Variants in GRHL1 observed in about 807,000 individuals in gnomAD.
GRHL1 encodes the protein grainyhead like transcription factor 1.
A neutral mutation model predicts 75.7 loss-of-function variants in GRHL1; 38 were observed. The ratio of observed to expected loss-of-function variants is 0.50; its 90% CI spans 0.39 to 0.66. GRHL1 has a LOEUF of 0.66. Among genes scored for constraint, GRHL1 ranks in the 30% least tolerant of loss-of-function variants. The pLI, the probability that GRHL1 is intolerant of heterozygous loss-of-function variation, is 0.00. For synonymous variants in GRHL1, 266 were observed against 279.4 expected (o/e 0.95, Z 0.48); for missense variants, 589 against 767.5 (o/e 0.77, Z 2.75).
At chr2:10,000,377 C>T (rs1468516490) in intron 15 of GRHL1, among the ~76,000 whole-genome samples, 1 of 152,170 alleles carries the variant, frequency 6.6e-6, no homozygotes, top group Non-Finnish European at 1.5e-5. Flanking sequence ...AAATATATCA[C>T]CTGATTTCCT....
chr2:9,996,031 A>C, intron 13 of GRHL1, 61 bp downstream of exon 13: 1 of 1,061,598 alleles, frequency 9.4e-7, no homozygotes, highest in Non-Finnish European at 1.5e-6. Flanking sequence ...AGAATCTATC[A>C]AAAGCATAAA....
chr2:9,971,803 G>C (rs529895708), intron 8 of GRHL1, among the ~76,000 whole-genome samples: 1 of 152,336 alleles, frequency 6.6e-6, no homozygotes, highest in East Asian at 1.9e-4. Context: ...AGCTGATACA[G>C]AATAAAGTCT....
chr2:9,986,674 T>A (rs1490008563), intron 9 of GRHL1, among the ~76,000 whole-genome samples: 1 of 152,008 alleles, frequency 6.6e-6, no homozygotes, highest in East Asian at 1.9e-4. Context: ...CACCTCAGCC[T>A]CCCACAGTGC....
intron 8 of GRHL1, among the ~76,000 whole-genome samples, chr2:9,974,614 A>G (rs1667870483): frequency 6.6e-6 from 1 of 152,222 alleles, no homozygotes; most frequent in African/African-American, 2.4e-5. Context: ...CACAAAAGCA[A>G]AACACTTCCT....
chr2:9,989,990 G>A (rs1057287612), intron 9 of GRHL1, among the ~76,000 whole-genome samples: 5 of 152,080 alleles, frequency 3.3e-5, no homozygotes, highest in Admixed American at 1.3e-4. Flanking sequence ...TGGCCATATA[G>A]GAGAGTATAC....
chr2:9,963,422 A>C (rs1667356057), intron 5 of GRHL1, among the ~76,000 whole-genome samples: 1 of 152,198 alleles, frequency 6.6e-6, no homozygotes, highest in African/African-American at 2.4e-5. Context: ...GGCATATATG[A>C]GTGGTAGTGT....
chr2:9,978,188 T>C (rs1428557346), intron 8 of GRHL1, among the ~76,000 whole-genome samples: 1 of 152,152 alleles, frequency 6.6e-6, no homozygotes, highest in Non-Finnish European at 1.5e-5. Flanking sequence ...AGCCAAACCA[T>C]ATCATCTGTC....
At chr2:9,952,676 T>C (rs1479841076) in intron 1 of GRHL1, among the ~76,000 whole-genome samples, 1 of 152,236 alleles carries the variant, frequency 6.6e-6, no homozygotes, top group African/African-American at 2.4e-5. Context: ...TTTGCAGCTT[T>C]TCTGAAAATA....
At chr2:9,989,515 G>A (rs1668554581) in intron 9 of GRHL1, among the ~76,000 whole-genome samples, 2 of 152,096 alleles carry the variant, frequency 1.3e-5, no homozygotes, top group African/African-American at 4.8e-5. Context: ...GATATACAGA[G>A]TACACGAGTG....
Position 9,977,986 on chromosome 2 carries a change from G to T in GRHL1, c.1111-8138G>T, listed in dbSNP as rs989471492. 3.3e-5 allele frequency among the ~76,000 whole-genome samples: 5 copies of T among 152,194 alleles called. No homozygotes were observed. The South Asian group carries it at 8.3e-4, about 25-fold the overall frequency. The stretch of plus-strand genomic sequence containing the variant: ...AGCCACGTCCTCCATGGCGGCCGGC[G>T]AGAGAGAATGAGAGCCAAGCAAAAG... On this transcript the variant is annotated intron_variant, in intron 8 of 15. Transcript: ENST00000324907.
chr2:9,977,769 C>G (rs1441769862), intron 8 of GRHL1, among the ~76,000 whole-genome samples: 1 of 152,180 alleles, frequency 6.6e-6, no homozygotes, highest in Admixed American at 6.5e-5. Context: ...AGGTGATGAC[C>G]TTGACCGAGG....
At chr2:9,985,920 A>AAAG in intron 8 of GRHL1, among the ~76,000 whole-genome samples, 1 of 152,312 alleles carries the variant, frequency 6.6e-6, no homozygotes, top group Middle Eastern at 3.4e-3. Flanking sequence ...CCTCCTCTTT[A>AAAG]AGGTCTGCTA....
chr2:9,994,311 A>T (rs1182897191), intron 12 of GRHL1, among the ~76,000 whole-genome samples: 1 of 6,788 alleles, frequency 1.5e-4, no homozygotes, highest in Non-Finnish European at 2.2e-4. Flanking sequence ...CACCCATCTA[A>T]TTATTATTAT....
chr2:9,970,315 A>G (rs1667670527), intron 8 of GRHL1, among the ~76,000 whole-genome samples: 2 of 152,210 alleles, frequency 1.3e-5, no homozygotes, highest in Admixed American at 1.3e-4. Flanking sequence ...ACACGTGCCA[A>G]GCTCCTGCTG....
chr2:9,986,108 T>A lies in GRHL1; in HGVS notation c.1111-16T>A. 1 of 1,597,306 alleles carries A rather than the reference T, an allele frequency of 6.3e-7. No individual in the cohort carries two copies. Among genetic ancestry groups the A allele is most frequent in the Non-Finnish European group, 8.5e-7 (1 of 1,172,154 alleles). On this transcript the variant is annotated splice_polypyrimidine_tract_variant and intron_variant, in intron 8 of 15. Coordinates refer to ENST00000324907, the MANE Select transcript of GRHL1 (RefSeq NM_198182.3). ...TTGGTGCCTGTTGCTTATGGAACCT[T>A]CTCTTCCCTTGGCAGGTTTTCATCT...
intron 8 of GRHL1, among the ~76,000 whole-genome samples, chr2:9,970,626 C>T (rs1003277596): frequency 1.3e-5 from 2 of 152,192 alleles, no homozygotes; most frequent in African/African-American, 2.4e-5. Flanking sequence ...CAGTCCCCGT[C>T]CATTTTTTCC....
intron 5 of GRHL1, among the ~76,000 whole-genome samples, chr2:9,963,450 C>T (rs555655592): frequency 2.0e-5 from 3 of 152,220 alleles, no homozygotes; most frequent in East Asian, 3.9e-4. Flanking sequence ...TAGGTAATGT[C>T]GAGAATTGTG....
intron 15 of GRHL1, 89 bp downstream of exon 15, chr2:9,999,118 C>T (rs1409698682): frequency 4.2e-6 from 2 of 473,466 alleles, no homozygotes; most frequent in South Asian, 3.1e-5. Context: ...CTGTTGACAC[C>T]CCCCAGCACC....
intron 8 of GRHL1, among the ~76,000 whole-genome samples, chr2:9,977,870 C>T (rs563319187): frequency 1.3e-5 from 2 of 152,118 alleles, no homozygotes; most frequent in African/African-American, 4.8e-5. Flanking sequence ...AAGACATACC[C>T]GAGACTGGGT....
Sources: gnomAD v4.1 joint callset for allele counts (sites outside exome capture counted in the v4.1 genomes callset) on GRCh38, gnomAD v4.1.1 for gene constraint, MANE v1.5 for transcripts, NCBI Gene and HGNC (gene_info 2026-07-23, HGNC 2026-07-21) for gene names.